Variants in SERBP1 observed in about 807,000 individuals in gnomAD.
SERBP1 encodes the protein SERPINE1 mRNA-binding protein 1.
A neutral mutation model predicts 50.2 loss-of-function variants in SERBP1; 6 were observed. The observed-to-expected ratio is 0.12, with a 90% CI of 0.07 to 0.24. The LOEUF (loss-of-function observed/expected upper bound fraction) is 0.24, where lower values mean the gene tolerates loss of function less well. Among genes scored for constraint, SERBP1 ranks in the 10% least tolerant of loss-of-function variants. SERBP1 has a pLI of 1.00. For synonymous variants in SERBP1, 168 were observed against 182.8 expected, an observed-to-expected ratio of 0.92 and a Z score of 0.65; for missense variants, 346 against 524.9, an observed-to-expected ratio of 0.66 and a Z score of 3.33.
chr1:67,423,682 G>A (rs1667279666), intron 5 of SERBP1, among the ~76,000 whole-genome samples: 1 of 151,540 alleles, frequency 6.6e-6, no homozygotes, highest in Admixed American at 6.6e-5. Flanking sequence ...TTAAAAACAG[G>A]CCAGTAATGC....
At chr1:67,419,287 C>A (rs1363169606) in intron 6 of SERBP1, among the ~76,000 whole-genome samples, 2 of 152,174 alleles carry the variant, frequency 1.3e-5, no homozygotes, top group Non-Finnish European at 2.9e-5. Context: ...ACGCAACATA[C>A]AAAATGTGTT....
rs760703131 is a variant in SERBP1 at position 67,426,254 on chromosome 1, TTGA to T, written c.342_344del (p.Asp114_Gln115delinsGlu). On this transcript the variant is annotated inframe_deletion, in exon 2 of 8. Coordinates refer to ENST00000361219, the MANE Select transcript of SERBP1 (RefSeq NM_001018069.2). ...TTATTTTCCCTTCACCCTGAAGTTG[TTGA>T]TCAGGTCTTCTTCCAACTCGTCTTA... The T allele has an allele frequency of 6.2e-7, 1 of 1,602,796 alleles. No individual in the cohort carries two copies. Among genetic ancestry groups the T allele is most frequent in the South Asian group, 1.1e-5 (1 of 89,054 alleles).
At chr1:67,420,249 A>C (rs1570291625) in intron 5 of SERBP1, 63 bp from the exon 6 acceptor site, 1 of 1,267,222 alleles carries the variant, frequency 7.9e-7, no homozygotes, top group East Asian at 2.4e-5. Context: ...AAGTATTTTA[A>C]ATTTATGATT....
chr1:67,411,726 A>G lies in SERBP1; in HGVS notation c.*1481T>C, dbSNP rs1205819902. The G allele has an allele frequency of 6.6e-6, 1 of 152,224 alleles. No individual in the cohort carries two copies. Among genetic ancestry groups the G allele is most frequent in the Non-Finnish European group, 1.5e-5 (1 of 68,030 alleles). 9.4% of individuals were successfully genotyped at this position (152,224 alleles called of 1,614,324 possible). Reference sequence around the variant, plus strand: ...AAATGTTTAAGATTGAAGATGTCCAATATTTTTAAAACTGGACATTACCAT... The same window carrying G: ...AAATGTTTAAGATTGAAGATGTCCAGTATTTTTAAAACTGGACATTACCAT... On this transcript the variant is annotated 3_prime_UTR_variant, in exon 8 of 8. Coordinates refer to ENST00000361219, the MANE Select transcript of SERBP1 (RefSeq NM_001018069.2).
Position 67,430,143 on chromosome 1 carries a change from C to T in SERBP1, c.158G>A (p.Ser53Asn). The T allele has an allele frequency of 6.2e-7, 1 of 1,611,476 alleles. No homozygotes were observed. The highest frequency in any genetic ancestry group is 2.2e-5 in the East Asian group (1 of 44,878). Reference sequence around the variant, plus strand: ...GGTCTGGGCCGCGGCCTGAGCTGCGCTCTTGGCCCCAGGGCCCCCAACGCC... The same window carrying T: ...GGTCTGGGCCGCGGCCTGAGCTGCGTTCTTGGCCCCAGGGCCCCCAACGCC... ...GGGVGGPGAK[S>N]AAQAAAQTNS... Residue 53 changes from serine (S) to asparagine (N), a missense_variant, in exon 1 of 8, where the codon AGC becomes AAC. Physicochemically the swap from Ser to Asn is conservative, Grantham distance 46 (BLOSUM62 1). This residue lies in a region of SERBP1 where 257 missense variants were observed against 331.2 expected (regional missense o/e 0.78). Transcript: ENST00000361219.
At position 67,424,877 on chromosome 1, in the gene SERBP1, A is replaced by C. The variant is rs752284035; in HGVS notation, c.695+11T>G. ...TAGGTATAGAATTTTTAAGAAAATCAGAATACCAACGTTAATTCGTCTTTG... is the reference window on the plus strand; with the variant it reads ...TAGGTATAGAATTTTTAAGAAAATCCGAATACCAACGTTAATTCGTCTTTG... On this transcript the variant is annotated intron_variant, in intron 4 of 7. Coordinates refer to ENST00000361219, the MANE Select transcript of SERBP1 (RefSeq NM_001018069.2). The C allele has an allele frequency of 6.2e-7, 1 of 1,607,214 alleles. No individual in the cohort carries two copies. Among genetic ancestry groups the C allele is most frequent in the Non-Finnish European group, 8.5e-7 (1 of 1,175,552 alleles).
intron 5 of SERBP1, among the ~76,000 whole-genome samples, chr1:67,421,420 ATGT>A: frequency 6.6e-6 from 1 of 152,336 alleles, no homozygotes; most frequent in South Asian, 2.1e-4. Context: ...AAGTCAGCCA[ATGT>A]TGTGTTTCTT....
intron 3 of SERBP1, 49 bp downstream of exon 3, chr1:67,425,034 A>C: frequency 6.3e-7 from 1 of 1,592,262 alleles, no homozygotes; most frequent in Non-Finnish European, 8.6e-7. Context: ...AAGTTTGTTT[A>C]TTAAATAGAT....
intron 1 of SERBP1, chr1:67,429,382 C>G (rs941501211): frequency 6.6e-6 from 1 of 152,356 alleles, no homozygotes; most frequent in Non-Finnish European, 1.5e-5. Context: ...ATGAGAAAGT[C>G]CTAACAGTTG....
In SERBP1 at chr1:67,426,157, C is replaced by T. The variant is rs200973131; in HGVS notation, c.442G>A (p.Gly148Arg). ...FEKPLEEKGE[G>R]GEFSVDRPII... is the part of the protein sequence containing the mutation. ...TACCTATCAACTGAAAATTCGCCTCCTTCACCCTTTTCTTCAAGTGGCTTT... is the reference window on the plus strand; with the variant it reads ...TACCTATCAACTGAAAATTCGCCTCTTTCACCCTTTTCTTCAAGTGGCTTT... The change falls in exon 2 of 8, where the codon GGA (glycine) becomes AGA (arginine). Residue 148 changes from glycine (G) to arginine (R), a missense_variant. Transcript: ENST00000361219. The T allele has an allele frequency of 1.9e-6, 3 of 1,607,046 alleles. No individual in the cohort carries two copies. Among genetic ancestry groups the T allele is most frequent in the South Asian group, 1.1e-5 (1 of 89,854 alleles).
At chr1:67,425,760 T>C (rs554445189) in intron 2 of SERBP1, among the ~76,000 whole-genome samples, 5 of 152,224 alleles carry the variant, frequency 3.3e-5, no homozygotes, top group African/African-American at 4.8e-5. Context: ...GAAAAATTAA[T>C]AGAAACAATT....
At chr1:67,424,443 C>T in intron 4 of SERBP1, 166 bp from the exon 5 acceptor site, 1 of 830,516 alleles carries the variant, frequency 1.2e-6, no homozygotes, top group East Asian at 2.7e-5. Flanking sequence ...AATATACTCC[C>T]CAGAAGACGT....
At chr1:67,413,501 T>G (rs531347303) in intron 7 of SERBP1, among the ~76,000 whole-genome samples, 152 of 151,938 alleles carry the variant, frequency 1.0e-3, no homozygotes, top group Non-Finnish European at 1.8e-3. Flanking sequence ...ATATAAACAA[T>G]TAGCTGGGTG....
intron 7 of SERBP1, 63 bp downstream of exon 7, chr1:67,415,103 C>G (rs577379244): frequency 2.0e-6 from 3 of 1,474,484 alleles, no homozygotes; most frequent in Admixed American, 2.4e-5. Context: ...ATAAGTCTGA[C>G]CCAGCCAGTG....
At chr1:67,415,731 G>C (rs768585837) in intron 6 of SERBP1, among the ~76,000 whole-genome samples, 1 of 152,164 alleles carries the variant, frequency 6.6e-6, no homozygotes, top group Non-Finnish European at 1.5e-5. Flanking sequence ...GACCTCTGGA[G>C]AGATGACATA....
Position 67,408,958 on chromosome 1 carries a change from AAACTT to A in SERBP1, c.*4244_*4248del, listed in dbSNP as rs1231090899. 1 of 152,064 alleles carries A rather than the reference AAACTT, an allele frequency of 6.6e-6. No individual in the cohort carries two copies. Among genetic ancestry groups the A allele is most frequent in the Non-Finnish European group, 1.5e-5 (1 of 68,010 alleles). 9.4% of individuals were successfully genotyped at this position (152,064 alleles called of 1,614,324 possible). On this transcript the variant is annotated 3_prime_UTR_variant, in exon 8 of 8. Coordinates refer to ENST00000361219, the MANE Select transcript of SERBP1 (RefSeq NM_001018069.2). ...GACCACTTAATTTGTACCTAGAACT[AAACTT>A]TTATTTTTCAGACAGTGTGTCACCC...
rs778332835 is a variant in SERBP1, at chr1:67,430,297, G to A, written c.4C>T (p.Pro2Ser). Reference sequence around the variant, plus strand: ...CCGAAGCCTTCCTGTAAGTGCCCAGGCATGATGGTGGCTCGGCGGCGCGTT... The same window carrying A: ...CCGAAGCCTTCCTGTAAGTGCCCAGACATGATGGTGGCTCGGCGGCGCGTT... M[P>S]GHLQEGFGCV... Residue 2 changes from proline (P) to serine (S), a missense_variant, in exon 1 of 8, where the codon CCT becomes TCT. Around this residue, in one of 5 missense-constraint regions of SERBP1, gnomAD observed 13 missense variants for 40.8 expected, o/e 0.32. Transcript: ENST00000361219. 1.4e-5 allele frequency: 21 copies of A among 1,499,530 alleles called. No homozygotes were observed. The highest frequency in any genetic ancestry group is 5.3e-6 in the Non-Finnish European group (6 of 1,126,010). 92.9% of individuals were successfully genotyped at this position (1,499,530 alleles called of 1,614,324 possible). A position where few individuals can be genotyped will look rare whatever the true frequency, so the allele number is the denominator to read the frequency against.
intron 5 of SERBP1, among the ~76,000 whole-genome samples, chr1:67,421,392 AT>A (rs1174573794): frequency 6.6e-6 from 1 of 152,226 alleles, no homozygotes; most frequent in Non-Finnish European, 1.5e-5. Flanking sequence ...TGGAAGCTAT[AT>A]ATAAGTTAGT....
chr1:67,414,431 C>T (rs926297011), intron 7 of SERBP1, among the ~76,000 whole-genome samples: 2 of 152,106 alleles, frequency 1.3e-5, no homozygotes, highest in Admixed American at 6.5e-5. Context: ...GGTAAGTTAC[C>T]CCTGTAATCA....
Sources: allele counts gnomAD v4.1 joint callset (sites outside exome capture counted in the v4.1 genomes callset), GRCh38; gene constraint gnomAD v4.1.1; regional missense constraint gnomAD v4.1.1; transcripts MANE v1.5; gene names NCBI Gene and HGNC (gene_info 2026-07-23, HGNC 2026-07-21).